The following SCRG1 variants were observed in gnomAD, a reference collection of about 807,000 sequenced individuals.
SCRG1 encodes the protein stimulator of chondrogenesis 1.
A neutral mutation model predicts 7.7 loss-of-function variants in SCRG1; 3 were observed. The ratio of observed to expected loss-of-function variants is 0.39; its 90% CI spans 0.18 to 1.01. The LOEUF is 1.01. SCRG1 is among the 50% of genes least tolerant of loss of function. The pLI is 0.36. For synonymous variants in SCRG1, 46 were observed against 41.2 expected (o/e 1.12, Z -0.44); for missense variants, 110 against 117.2 (o/e 0.94, Z 0.28).
the SCRG1 span, among the ~76,000 whole-genome samples, chr4:173,506,847 G>A: frequency 6.6e-6 from 1 of 152,172 alleles, no homozygotes; most frequent in Non-Finnish European, 1.5e-5. The surrounding 1 kb of genome is among the most constrained non-coding windows in gnomAD (Gnocchi z 5.3). Context: ...CTGAGAGTCC[G>A]ACCTCCATCG....
the SCRG1 span, among the ~76,000 whole-genome samples, chr4:173,427,968 T>A: frequency 6.6e-6 from 1 of 152,246 alleles, no homozygotes; most frequent in African/African-American, 2.4e-5. Context: ...AATGGACATA[T>A]GTATAGACGA....
chr4:173,411,610 T>C, the SCRG1 span, among the ~76,000 whole-genome samples: 135 of 152,344 alleles, frequency 8.9e-4, 1 homozygote, highest in Non-Finnish European at 2.9e-5. Flanking sequence ...AATCAGTATA[T>C]AAATAAAAAT....
chr4:173,504,870 C>A, the SCRG1 span, among the ~76,000 whole-genome samples: 1 of 152,156 alleles, frequency 6.6e-6, no homozygotes, highest in Non-Finnish European at 1.5e-5. The surrounding 1 kb of genome is among the most constrained non-coding windows in gnomAD (Gnocchi z 4.7). Flanking sequence ...GCCCTAGCCA[C>A]AGCTAGCAGC....
At chr4:173,405,092 G>T (rs146595732) in intron 1 of SCRG1, among the ~76,000 whole-genome samples, 101 of 151,886 alleles carry the variant, frequency 6.6e-4, no homozygotes, top group African/African-American at 2.2e-3. Flanking sequence ...TTTCTGTTGC[G>T]GGATCCCCTG....
the SCRG1 span, among the ~76,000 whole-genome samples, chr4:173,447,938 C>G: frequency 6.6e-6 from 1 of 152,024 alleles, no homozygotes; most frequent in Non-Finnish European, 1.5e-5. Context: ...AACTCTGTCT[C>G]TACTAAAAAT....
At chr4:173,473,683 T>TAGAC in the SCRG1 span, among the ~76,000 whole-genome samples, 1 of 152,150 alleles carries the variant, frequency 6.6e-6, no homozygotes, top group African/African-American at 2.4e-5. Flanking sequence ...AATATGCAGA[T>TAGAC]CTGGCTAGGG....
upstream of SCRG1, among the ~76,000 whole-genome samples, chr4:173,408,991 CAAAAAA>C (rs991902394): frequency 9.8e-5 from 5 of 51,264 alleles, no homozygotes; most frequent in African/African-American, 3.2e-4. Flanking sequence ...GACTCAGTCT[CAAAAAA>C]AAAAAAAAAA....
the SCRG1 span, among the ~76,000 whole-genome samples, chr4:173,485,579 G>C: frequency 6.6e-6 from 1 of 152,052 alleles, no homozygotes; most frequent in East Asian, 1.9e-4. Flanking sequence ...TTTTGCGATA[G>C]TTTGTTATAC....
rs6837885 is a variant in SCRG1 at position 173,386,150 on chromosome 4, G to T, written c.*2191C>A. ...TTGTGTTTATATACACTTTTTTTTT[G>T]GGGGGACGGAGTCTCACTCTGTCGC... On this transcript the variant is annotated 3_prime_UTR_variant, in exon 3 of 3. Transcript: ENST00000296506. The T allele has an allele frequency of 0.048, 7,222 of 150,356 alleles. 515 individuals are homozygous for T. Among genetic ancestry groups the T allele is most frequent in the African/African-American group, 0.16 (6,493 of 40,902 alleles). 9.3% of individuals were successfully genotyped at this position (150,356 alleles called of 1,614,324 possible).
chr4:173,425,018 T>A, the SCRG1 span, among the ~76,000 whole-genome samples: 1 of 152,176 alleles, frequency 6.6e-6, no homozygotes, highest in African/African-American at 2.4e-5. Context: ...TTGTCAGTCA[T>A]CATTTATTTC....
At chr4:173,389,811 T>G in intron 2 of SCRG1, 1 of 409,722 alleles carries the variant, frequency 2.4e-6, no homozygotes, top group Non-Finnish European at 5.0e-6. Context: ...TCACTTCAAC[T>G]CTGCACCTTT....
the SCRG1 span, among the ~76,000 whole-genome samples, chr4:173,462,200 C>T: frequency 3.3e-5 from 5 of 152,066 alleles, no homozygotes; most frequent in South Asian, 2.1e-4. Context: ...CCAAGTACAA[C>T]AAGGTTATAG....
upstream of SCRG1, chr4:173,403,082 A>C (rs1739803434): frequency 6.6e-6 from 1 of 152,182 alleles, no homozygotes; most frequent in Non-Finnish European, 1.5e-5. Flanking sequence ...TTATGCTTAG[A>C]ATTGTTTTTG....
At chr4:173,415,239 G>A in the SCRG1 span, among the ~76,000 whole-genome samples, 1 of 152,180 alleles carries the variant, frequency 6.6e-6, no homozygotes, top group Non-Finnish European at 1.5e-5. Flanking sequence ...TGGCAAAACA[G>A]GGTTTGCAAT....
chr4:173,415,119 A>G, the SCRG1 span, among the ~76,000 whole-genome samples: 1 of 152,254 alleles, frequency 6.6e-6, no homozygotes. Flanking sequence ...GAGAGTTGGC[A>G]GAAGGACTAA....
At chr4:173,482,542 G>A in the SCRG1 span, among the ~76,000 whole-genome samples, 1 of 152,120 alleles carries the variant, frequency 6.6e-6, no homozygotes, top group African/African-American at 2.4e-5. Context: ...GAAGCACAGG[G>A]CACAGTGGCT....
chr4:173,409,005 A>AG (rs1405960895), upstream of SCRG1, among the ~76,000 whole-genome samples: 4 of 151,368 alleles, frequency 2.6e-5, no homozygotes, highest in African/African-American at 9.7e-5. Flanking sequence ...AAAAAAAAAA[A>AG]AAAAAAAAAG....
chr4:173,396,881 C>T (rs1476311541), intron 1 of SCRG1, among the ~76,000 whole-genome samples: 1 of 151,838 alleles, frequency 6.6e-6, no homozygotes, highest in African/African-American at 2.4e-5. Context: ...GGTGAAACCC[C>T]ATCTCTACTA....
chr4:173,455,996 A>G, the SCRG1 span, among the ~76,000 whole-genome samples: 1 of 152,126 alleles, frequency 6.6e-6, no homozygotes. Context: ...AAACCACGAA[A>G]AACAGATTTA....
Sources: allele counts gnomAD v4.1 joint callset (sites outside exome capture counted in the v4.1 genomes callset), GRCh38; gene constraint gnomAD v4.1.1; non-coding constraint Gnocchi (gnomAD v3.1); transcripts MANE v1.5; gene names NCBI Gene and HGNC (gene_info 2026-07-23, HGNC 2026-07-21).